Variants in CDK18 observed in about 807,000 individuals in gnomAD.
CDK18 encodes cyclin-dependent kinase 18.
CDK18 carries 52 observed loss-of-function variants against 62.0 expected under a neutral mutation model. The ratio of observed to expected loss-of-function variants is 0.84; its 90% CI spans 0.67 to 1.06. CDK18 has a LOEUF of 1.06. Among genes scored for constraint, CDK18 ranks in the 50% least tolerant of loss-of-function variants. CDK18 has a pLI of 0.00. For missense variants in CDK18, 604 were observed against 619.9 expected (o/e 0.97, Z 0.27); for synonymous variants, 237 against 247.0 (o/e 0.96, Z 0.38).
Position 205,507,060 on chromosome 1 carries a change from G to A in CDK18, c.-22+2264G>A, listed in dbSNP as rs1014764130. Among the ~76,000 whole-genome samples the A allele has an allele frequency of 4.7e-4, 72 of 152,324 alleles. 1 individual carries two copies. Among genetic ancestry groups the A allele is most frequent in the Non-Finnish European group, 1.3e-4 (9 of 68,022 alleles). On this transcript the variant is annotated intron_variant, in intron 1 of 15. Transcript: ENST00000429964. ...CGTCCTACACTGTAGGGCAGAGCCC[G>A]GCTTGACTCTTCCCGGTTCCTACCC...
At chr1:205,512,058 C>T (rs1333343769) in intron 1 of CDK18, among the ~76,000 whole-genome samples, 10 of 151,970 alleles carry the variant, frequency 6.6e-5, no homozygotes, top group Admixed American at 6.6e-4. Context: ...AGAAAACACA[C>T]ACACACATAC....
chr1:205,507,582 C>T (rs1177555024), intron 1 of CDK18, among the ~76,000 whole-genome samples: 8 of 139,248 alleles, frequency 5.7e-5, no homozygotes, highest in African/African-American at 1.9e-4. Context: ...TGTAGTGAGC[C>T]GAGATTGCAC....
Position 205,527,886 on chromosome 1 carries a change from C to G in CDK18, c.822C>G (p.Asn274Lys). The G allele has an allele frequency of 6.2e-7, 1 of 1,614,086 alleles. No homozygotes were observed. The highest frequency in any genetic ancestry group is 2.2e-5 in the East Asian group (1 of 44,880). Residue 274 changes from asparagine to lysine, a missense_variant, in exon 9 of 16, where the codon AAC becomes AAG. By Grantham distance (94) the Asn-to-Lys change is moderately conservative. Coordinates refer to ENST00000429964, the MANE Select transcript of CDK18 (RefSeq NM_212502.3). This position sits in a 1 kb window ranked among gnomAD's most constrained non-coding sequence, Gnocchi z 4.1. The stretch of plus-strand genomic sequence containing the variant: ...TGAAGCCCCAGAACCTGCTCATCAA[C>G]GAGAGGGGGGAGCTGAAGCTGGCCG... ...RDLKPQNLLI[N>K]ERGELKLADF... is the part of the protein sequence containing the mutation.
At chr1:205,530,733 TC>T in intron 15 of CDK18, 28 bp downstream of exon 15, 4 of 1,597,466 alleles carry the variant, frequency 2.5e-6, no homozygotes, top group Non-Finnish European at 3.4e-6. Context: ...CCTGGACCCC[TC>T]CCCTTGTTAG....
chr1:205,528,787 C>G lies in CDK18; in HGVS notation c.975-212C>G. 1 of 470,062 alleles carries G rather than the reference C, an allele frequency of 2.1e-6. No individual in the cohort carries two copies. The highest frequency in any genetic ancestry group is 3.8e-6 in the Non-Finnish European group (1 of 265,084). The allele number at this position is 470,062 out of a possible 1,614,324, so 29.1% of individuals were successfully genotyped here. ...TTTCCTCACAGAGTGAAAGTCGCAG[C>G]TTTCCCGAGCCCAGGGAAGCCCCCC... On this transcript the variant is annotated intron_variant, in intron 10 of 15. Coordinates refer to ENST00000429964, the MANE Select transcript of CDK18 (RefSeq NM_212502.3). The surrounding 1 kb of genome is among the most constrained non-coding windows in gnomAD (Gnocchi z 4.2).
chr1:205,512,683 A>T lies in CDK18; in HGVS notation c.-22+7887A>T, dbSNP rs146229567. Among the ~76,000 whole-genome samples the T allele has an allele frequency of 5.7e-3, 864 of 152,300 alleles. 10 individuals are homozygous for T. Among genetic ancestry groups the T allele is most frequent in the African/African-American group, 0.02 (822 of 41,556 alleles). ...AGTGGAGTTCTTGGCGGTGACATGA[A>T]GCTGCTTTTTTTAAGCTAGTCTCTC... On this transcript the variant is annotated intron_variant, in intron 1 of 15. Coordinates refer to ENST00000429964, the MANE Select transcript of CDK18 (RefSeq NM_212502.3).
At position 205,527,473 on chromosome 1, in the gene CDK18, T is replaced by C. The variant is rs1440691273; in HGVS notation, c.730-321T>C. The C allele has an allele frequency of 1.2e-5, 3 of 253,646 alleles. No homozygotes were observed. Among genetic ancestry groups the C allele is most frequent in the Non-Finnish European group, 2.2e-5 (3 of 135,636 alleles). The allele number at this position is 253,646 out of a possible 1,614,324, so 15.7% of individuals were successfully genotyped here. ...CAGCCTGGGTGACAGAGTAAAACCCTGACTCTAAAAGAAAAAAAAAAAAAA... is the reference window on the plus strand; with the variant it reads ...CAGCCTGGGTGACAGAGTAAAACCCCGACTCTAAAAGAAAAAAAAAAAAAA... On this transcript the variant is annotated intron_variant, in intron 8 of 15. Coordinates refer to ENST00000429964, the MANE Select transcript of CDK18 (RefSeq NM_212502.3). The surrounding 1 kb of genome is among the most constrained non-coding windows in gnomAD (Gnocchi z 4.1).
chr1:205,509,875 T>G (rs1667482460), intron 1 of CDK18, among the ~76,000 whole-genome samples: 1 of 151,362 alleles, frequency 6.6e-6, no homozygotes, highest in South Asian at 2.1e-4. Context: ...AGGTCAGGAG[T>G]TCAAGACCAG....
Position 205,526,816 on chromosome 1 carries a change from C to T in CDK18, c.708C>T (p.Leu236=). 5 of 1,614,092 alleles carry T rather than the reference C, an allele frequency of 3.1e-6. 1 individual carries two copies. The South Asian group carries it at 3.3e-5, about 11-fold the overall frequency. The change falls in exon 8 of 16, where the codon CTC becomes CTT. Residue 236 remains leucine (L), a synonymous_variant. Coordinates refer to ENST00000429964, the MANE Select transcript of CDK18 (RefSeq NM_212502.3). The stretch of plus-strand genomic sequence containing the variant: ...AGTATCTGGACCACTGTGGGAACCT[C>T]ATGAGCATGCACAACGTCAAGGTGA... ...LKQYLDHCGN[L]MSMHNVKIFM...
chr1:205,530,632 C>G lies in CDK18; in HGVS notation c.1317C>G (p.Ala439=). The change falls in exon 15 of 16, where the codon GCC becomes GCG. Residue 439 remains alanine, a synonymous_variant. Transcript: ENST00000429964. ...CTATGCACTTCTCTCCCCCAGCTGC[C>G]TCCATCTTCTCCCTGAAGGAGATCC... The part of the protein sequence containing the change: ...GERVHQLEDT[A]SIFSLKEIQL... 6.2e-7 allele frequency: 1 copy of G among 1,614,022 alleles called. No individual in the cohort carries two copies. The highest frequency in any genetic ancestry group is 8.5e-7 in the Non-Finnish European group (1 of 1,179,962).
At chr1:205,507,670 A>G (rs998501849) in intron 1 of CDK18, among the ~76,000 whole-genome samples, 6 of 148,668 alleles carry the variant, frequency 4.0e-5, no homozygotes, top group African/African-American at 1.2e-4. Context: ...AAAATAATGC[A>G]CAGTGCCTGG....
rs1370496418 is a variant in CDK18 at position 205,529,062 on chromosome 1, CAAG to C, written c.1039_1041del (p.Lys347del). The stretch of plus-strand genomic sequence containing the variant: ...GGCCCCTCTTCCCGGGCTCCACAGT[CAAG>C]GAGGAGCTGCACCTCATCTTTCGCC... On this transcript the variant is annotated inframe_deletion, in exon 11 of 16. Coordinates refer to ENST00000429964, the MANE Select transcript of CDK18 (RefSeq NM_212502.3). 1.9e-6 allele frequency: 3 copies of C among 1,593,628 alleles called. No individual in the cohort carries two copies. The highest frequency in any genetic ancestry group is 1.3e-5 in the African/African-American group (1 of 74,690).
chr1:205,507,059 C>A (rs1272752084), intron 1 of CDK18, among the ~76,000 whole-genome samples: 1 of 152,214 alleles, frequency 6.6e-6, no homozygotes, highest in African/African-American at 2.4e-5. Flanking sequence ...GGGCAGAGCC[C>A]GGCTTGACTC....
chr1:205,528,989 C>T lies in CDK18; in HGVS notation c.975-10C>T. 6.4e-7 allele frequency: 1 copy of T among 1,559,738 alleles called. No homozygotes were observed. The highest frequency in any genetic ancestry group is 1.2e-5 in the South Asian group (1 of 85,004). On this transcript the variant is annotated splice_polypyrimidine_tract_variant and intron_variant, in intron 10 of 15. Coordinates refer to ENST00000429964, the MANE Select transcript of CDK18 (RefSeq NM_212502.3). The surrounding 1 kb of genome is among the most constrained non-coding windows in gnomAD (Gnocchi z 4.2). ...TGCCTGATGCCGACCCTACCCCTTG[C>T]TCCTCGCAGGGGCGTGGGCTGCATC...
rs758037077 is a variant in CDK18 at position 205,516,071 on chromosome 1, C to T, written c.-21-7076C>T. 2.6e-5 allele frequency among the ~76,000 whole-genome samples: 4 copies of T among 152,186 alleles called. No homozygotes were observed. Among genetic ancestry groups the T allele is most frequent in the Non-Finnish European group, 4.4e-5 (3 of 68,032 alleles). On this transcript the variant is annotated intron_variant, in intron 1 of 15. Coordinates refer to ENST00000429964, the MANE Select transcript of CDK18 (RefSeq NM_212502.3). The surrounding 1 kb of genome is among the most constrained non-coding windows in gnomAD (Gnocchi z 4.8). The stretch of plus-strand genomic sequence containing the variant: ...CTGCTGACGCCGCCACAGCTCCAGG[C>T]AGCTAAGGGGTGACTGGCTTCCCCT...
chr1:205,526,966 G>A (rs1414971861), intron 8 of CDK18, 129 bp downstream of exon 8: 4 of 735,064 alleles, frequency 5.4e-6, no homozygotes, highest in Non-Finnish European at 9.7e-6. Flanking sequence ...TAGGAAAGAG[G>A]GAGAGGGCAA....
At chr1:205,506,215 G>A (rs537041922) in intron 1 of CDK18, among the ~76,000 whole-genome samples, 1 of 152,292 alleles carries the variant, frequency 6.6e-6, no homozygotes, top group Admixed American at 6.5e-5. Flanking sequence ...GTCCGGGTTT[G>A]CATCCTGAAG....
In CDK18 at chr1:205,517,980, C is replaced by T. The variant is rs1250044572; in HGVS notation, c.-21-5167C>T. 6.6e-6 allele frequency among the ~76,000 whole-genome samples: 1 copy of T among 152,184 alleles called. No individual in the cohort carries two copies. The highest frequency in any genetic ancestry group is 2.4e-5 in the African/African-American group (1 of 41,432). On this transcript the variant is annotated intron_variant, in intron 1 of 15. Transcript: ENST00000429964. This position sits in a 1 kb window ranked among gnomAD's most constrained non-coding sequence, Gnocchi z 4.1. ...CATCCAGCATCTTCTCCAGCCACAT[C>T]ATTGTCCTGCAGTGAACCAGACTTA...
intron 14 of CDK18, 58 bp from the exon 15 acceptor site, chr1:205,530,570 C>A: frequency 6.6e-7 from 1 of 1,508,248 alleles, no homozygotes; most frequent in South Asian, 1.1e-5. Context: ...CTGGGCCAGT[C>A]CTTACTGGAG....
Sources: gnomAD v4.1 joint callset for allele counts (sites outside exome capture counted in the v4.1 genomes callset) on GRCh38, gnomAD v4.1.1 for gene constraint, Gnocchi (gnomAD v3.1) non-coding constraint, MANE v1.5 for transcripts, NCBI Gene and HGNC (gene_info 2026-07-23, HGNC 2026-07-21) for gene names.